CCDC85C: variants seen among roughly 807,000 people sequenced by gnomAD.
CCDC85C encodes the protein coiled-coil domain-containing protein 85C.
CCDC85C carries 18 observed loss-of-function variants against 38.3 expected under a neutral mutation model. The observed-to-expected ratio is 0.47, with a 90% confidence interval of 0.33 to 0.70. CCDC85C has a LOEUF of 0.70. CCDC85C is among the 30% of genes least tolerant of loss of function. The pLI, the probability that CCDC85C is intolerant of heterozygous loss-of-function variation, is 0.03. For missense variants in CCDC85C, 566 were observed against 621.2 expected (o/e 0.91, Z 0.94); for synonymous variants, 264 against 293.8 (o/e 0.90, Z 1.04).
intron 1 of CCDC85C, among the ~76,000 whole-genome samples, chr14:99,568,246 CTTTATTTTTTTT>C (rs1332184834): frequency 1.7e-5 from 2 of 114,500 alleles, no homozygotes; most frequent in East Asian, 2.6e-4. Flanking sequence ...GCCACCTGCC[CTTTATTTTTTTT>C]TTTTTTTTTT....
In CCDC85C at chr14:99,604,203, G is replaced by T. The variant is rs1396609360; in HGVS notation, c.-244C>A. Among the ~76,000 whole-genome samples, 1 of 148,610 alleles carries T rather than the reference G, an allele frequency of 6.7e-6. No homozygotes were observed. On this transcript the variant is annotated 5_prime_UTR_variant, in exon 1 of 6. Coordinates refer to ENST00000380243, the MANE Select transcript of CCDC85C (RefSeq NM_001144995.2). ...GGCCGCGGTGCCGGGCGCTCTCAGG[G>T]TTCTGGAGAAGCAGGCGGAGGCCCG...
At chr14:99,583,098 G>A (rs1185545729) in intron 1 of CCDC85C, 1 of 152,110 alleles carries the variant, frequency 6.6e-6, no homozygotes, top group African/African-American at 2.4e-5. Flanking sequence ...CACTCCCACT[G>A]CTTCACTTGA....
At chr14:99,531,150 G>A (rs1051218093) in intron 2 of CCDC85C, among the ~76,000 whole-genome samples, 2 of 152,222 alleles carry the variant, frequency 1.3e-5, no homozygotes, top group Middle Eastern at 3.4e-3. Flanking sequence ...CAGCGTGGGG[G>A]AAGAGGGGAG....
rs562992971 is a variant in CCDC85C, at chr14:99,596,382, G to A, written c.793+6785C>T. ...AAGAAGGAAAGGGAATCAGACCCTC[G>A]CTTCCTCCCCAGGGCCATCTACTGT... On this transcript the variant is annotated intron_variant, in intron 1 of 5. Coordinates refer to ENST00000380243, the MANE Select transcript of CCDC85C (RefSeq NM_001144995.2). Among the ~76,000 whole-genome samples, 11 of 152,030 alleles carry A rather than the reference G, an allele frequency of 7.2e-5. No homozygotes were observed. In the East Asian group the frequency reaches 7.7e-4, roughly 11 times the overall value.
chr14:99,538,143 C>G (rs560239852), intron 1 of CCDC85C, among the ~76,000 whole-genome samples: 1 of 152,312 alleles, frequency 6.6e-6, no homozygotes, highest in Non-Finnish European at 1.5e-5. Context: ...TGATGCCTTG[C>G]AAAGGACAAG....
intron 1 of CCDC85C, among the ~76,000 whole-genome samples, chr14:99,564,980 AG>A (rs1483714416): frequency 1.3e-5 from 2 of 152,158 alleles, no homozygotes; most frequent in Non-Finnish European, 2.9e-5. Context: ...CAGCTGCCAC[AG>A]GGGGCAACCA....
chr14:99,583,951 C>T (rs961310595), intron 1 of CCDC85C, among the ~76,000 whole-genome samples: 4 of 152,004 alleles, frequency 2.6e-5, no homozygotes, highest in Non-Finnish European at 4.4e-5. Flanking sequence ...TGTGCTGTGT[C>T]GCTGTCATGG....
At chr14:99,528,810 G>T (rs570869497) in intron 2 of CCDC85C, among the ~76,000 whole-genome samples, 1 of 152,070 alleles carries the variant, frequency 6.6e-6, no homozygotes, top group Non-Finnish European at 1.5e-5. Context: ...TCATTTGTAG[G>T]GGGGAACAAC....
At chr14:99,559,166 A>C (rs2139946821) in intron 1 of CCDC85C, among the ~76,000 whole-genome samples, 1 of 152,062 alleles carries the variant, frequency 6.6e-6, no homozygotes, top group Middle Eastern at 3.4e-3. Flanking sequence ...TAAATTACCC[A>C]ATCTTAGGTA....
rs140227036 is a variant in CCDC85C, at chr14:99,588,600, T to C, written c.793+14567A>G. On this transcript the variant is annotated intron_variant, in intron 1 of 5. Transcript: ENST00000380243. This position sits in a 1 kb window ranked among gnomAD's most constrained non-coding sequence, Gnocchi z 5.0. ...GCCCGGGAGGCCTGAGGAAGCGAGC[T>C]GGGGAGAGGGAAGCCTGGCACAGGT... is the stretch of plus-strand genomic sequence containing the variant. Among the ~76,000 whole-genome samples the C allele has an allele frequency of 8.0e-4, 122 of 152,082 alleles. 1 individual carries two copies. In the East Asian group the frequency reaches 0.023, roughly 29 times the overall value.
Position 99,603,364 on chromosome 14 carries a change from GC to G in CCDC85C, c.595del (p.Ala199ProfsTer80), listed in dbSNP as rs1342026645. On this transcript the variant is annotated frameshift_variant, in exon 1 of 6. Coordinates refer to ENST00000380243, the MANE Select transcript of CCDC85C (RefSeq NM_001144995.2). LOFTEE classifies it high-confidence loss of function. This position sits in a 1 kb window ranked among gnomAD's most constrained non-coding sequence, Gnocchi z 7.5. ...ACTGCTGCCGTCGCCCACGTCGCGG[GC>G]CCCCGCGCCGGGCGCGCCACCCGAC... ...PLSGGAPGAG[A>X]RDVGDGSSTS... 1 of 1,260,946 alleles carries G rather than the reference GC, an allele frequency of 7.9e-7. No homozygotes were observed. The highest frequency in any genetic ancestry group is 9.9e-7 in the Non-Finnish European group (1 of 1,005,522). 78.1% of individuals were successfully genotyped at this position (1,260,946 alleles called of 1,614,324 possible).
intron 1 of CCDC85C, among the ~76,000 whole-genome samples, chr14:99,550,736 C>T (rs1026690894): frequency 1.3e-5 from 2 of 152,204 alleles, no homozygotes; most frequent in African/African-American, 2.4e-5. Context: ...CCCTGTTCCC[C>T]GACTGCTCAC....
intron 1 of CCDC85C, among the ~76,000 whole-genome samples, chr14:99,591,765 C>T (rs2055090973): frequency 1.4e-5 from 2 of 145,000 alleles, no homozygotes; most frequent in Admixed American, 7.1e-5. Context: ...AATGGAGTCT[C>T]ACTCTGTCAC....
chr14:99,551,558 CAGGTGGGTGTGCAGGTGAGTGA>C (rs1566770741), intron 1 of CCDC85C, among the ~76,000 whole-genome samples: 3 of 144,152 alleles, frequency 2.1e-5, no homozygotes, highest in African/African-American at 7.9e-5. Context: ...GGTGAGTGTG[CAGGTGGGTGTGCAGGTGAGTGA>C]GCAGGTGGGT....
intron 1 of CCDC85C, among the ~76,000 whole-genome samples, chr14:99,547,586 C>A (rs1351493919): frequency 6.6e-6 from 1 of 152,006 alleles, no homozygotes; most frequent in Non-Finnish European, 1.5e-5. Flanking sequence ...CTAGCCTGGC[C>A]AACATGGTGA....
rs545476616 is a variant in CCDC85C, at chr14:99,548,342, C to T, written c.794-12254G>A. 1.3e-4 allele frequency among the ~76,000 whole-genome samples: 20 copies of T among 152,232 alleles called. No individual in the cohort carries two copies. The highest frequency in any genetic ancestry group is 2.8e-4 in the Non-Finnish European group (19 of 68,008). ...AGGTGTCATCAAGGAAACCCAATTC[C>T]GACAATGAGATGCCACTGGATTGGC... On this transcript the variant is annotated intron_variant, in intron 1 of 5. Coordinates refer to ENST00000380243, the MANE Select transcript of CCDC85C (RefSeq NM_001144995.2). The surrounding 1 kb of genome is among the most constrained non-coding windows in gnomAD (Gnocchi z 4.9).
In CCDC85C at chr14:99,576,234, A is replaced by G. The variant is rs1371759680; in HGVS notation, c.793+26933T>C. ...TCAAGAGCCCTTCAGTAAAACTCAGAGCATGGCTGCTTTGCACACAGGCCT... is the reference window on the plus strand; with the variant it reads ...TCAAGAGCCCTTCAGTAAAACTCAGGGCATGGCTGCTTTGCACACAGGCCT... On this transcript the variant is annotated intron_variant, in intron 1 of 5. Coordinates refer to ENST00000380243, the MANE Select transcript of CCDC85C (RefSeq NM_001144995.2). The surrounding 1 kb of genome is among the most constrained non-coding windows in gnomAD (Gnocchi z 4.8). Among the ~76,000 whole-genome samples the G allele has an allele frequency of 6.6e-6, 1 of 152,214 alleles. No individual in the cohort carries two copies. Among genetic ancestry groups the G allele is most frequent in the African/African-American group, 2.4e-5 (1 of 41,458 alleles).
intron 1 of CCDC85C, among the ~76,000 whole-genome samples, chr14:99,597,507 C>T (rs78063057): frequency 0.087 from 13,190 of 152,226 alleles, 698 homozygotes; most frequent in Non-Finnish European, 0.11. Flanking sequence ...TCAGTGTCCA[C>T]GCAACCTCCC....
chr14:99,573,870 G>A (rs539923057), intron 1 of CCDC85C, among the ~76,000 whole-genome samples: 14 of 152,240 alleles, frequency 9.2e-5, no homozygotes, highest in East Asian at 5.8e-4. Context: ...CTGGGCCGCC[G>A]AGCACTCCAG....
Sources: allele counts gnomAD v4.1 joint callset (sites outside exome capture counted in the v4.1 genomes callset), GRCh38; gene constraint gnomAD v4.1.1; non-coding constraint Gnocchi (gnomAD v3.1); transcripts MANE v1.5; gene names NCBI Gene and HGNC (gene_info 2026-07-23, HGNC 2026-07-21).